The following RPN1 variants were observed in gnomAD, a reference collection of about 807,000 sequenced individuals.
RPN1 encodes ribophorin I.
In RPN1, 12 loss-of-function variants were observed where a neutral mutation model predicts 55.5. That is an observed-to-expected ratio of 0.22 (90% CI 0.14 to 0.35). The LOEUF is 0.35. RPN1 is among the 10% of genes least tolerant of loss of function. The pLI, the probability that RPN1 is intolerant of heterozygous loss-of-function variation, is 1.00. For synonymous variants in RPN1, 317 were observed against 305.9 expected, an observed-to-expected ratio of 1.04 and a Z score of -0.38; for missense variants, 679 against 761.3, an observed-to-expected ratio of 0.89 and a Z score of 1.27.
At chr3:128,635,640 GATATATATATAT>G (rs1162489418) in intron 3 of RPN1, among the ~76,000 whole-genome samples, 17 of 114,078 alleles carry the variant, frequency 1.5e-4, no homozygotes, top group African/African-American at 3.0e-4. Context: ...TATATATATA[GATATATATATAT>G]ATATATATAT....
intron 2 of RPN1, 48 bp downstream of exon 2, chr3:128,644,871 C>G: frequency 9.5e-7 from 1 of 1,052,774 alleles, no homozygotes; most frequent in South Asian, 1.3e-5. Context: ...GATCCCAACC[C>G]TGACATAACC....
At chr3:128,628,626 G>A (rs1339951605) in intron 5 of RPN1, among the ~76,000 whole-genome samples, 1 of 151,362 alleles carries the variant, frequency 6.6e-6, no homozygotes, top group African/African-American at 2.4e-5. Context: ...ATGTTGCCCC[G>A]GCTGGTCTCA....
At chr3:128,625,473 C>A (rs2069591281) in intron 8 of RPN1, 61 bp downstream of exon 8, 1 of 1,612,634 alleles carries the variant, frequency 6.2e-7, no homozygotes, top group African/African-American at 1.3e-5. Flanking sequence ...GATCAGTGCT[C>A]AAGCTGGTGA....
chr3:128,636,413 A>G (rs1255328087), intron 3 of RPN1, among the ~76,000 whole-genome samples: 1 of 151,958 alleles, frequency 6.6e-6, no homozygotes, highest in Admixed American at 6.6e-5. Flanking sequence ...GTTAGCTGAG[A>G]TCGCCCCACT....
At chr3:128,637,768 C>T (rs909682949) in intron 3 of RPN1, 31 bp downstream of exon 3, 1 of 1,597,616 alleles carries the variant, frequency 6.3e-7, no homozygotes. Context: ...CTGAAGCAGA[C>T]AGGGATGGGC....
intron 3 of RPN1, among the ~76,000 whole-genome samples, chr3:128,637,411 C>T (rs188563704): frequency 2.6e-5 from 4 of 152,172 alleles, no homozygotes; most frequent in Admixed American, 2.6e-4. Context: ...GCCTTAATTG[C>T]TCCCTCTCTC....
At chr3:128,646,768 GTTT>G (rs2069771745) in intron 1 of RPN1, among the ~76,000 whole-genome samples, 1 of 151,904 alleles carries the variant, frequency 6.6e-6, no homozygotes, top group African/African-American at 2.4e-5. Flanking sequence ...GAGGTCAGGA[GTTT>G]GAGAGCAGCT....
At chr3:128,638,148 T>C (rs761124300) in intron 2 of RPN1, 43 bp from the exon 3 acceptor site, 1 of 1,480,248 alleles carries the variant, frequency 6.8e-7, no homozygotes, top group South Asian at 1.2e-5. Context: ...AGACTGAGGA[T>C]ACTGAAAACA....
At chr3:128,638,151 T>C in intron 2 of RPN1, 46 bp from the exon 3 acceptor site, 1 of 1,452,362 alleles carries the variant, frequency 6.9e-7, no homozygotes, top group Non-Finnish European at 9.6e-7. Flanking sequence ...CTGAGGATAC[T>C]GAAAACAGTA....
intron 1 of RPN1, among the ~76,000 whole-genome samples, chr3:128,646,683 T>C (rs1414963631): frequency 7.5e-6 from 1 of 134,080 alleles, no homozygotes; most frequent in Non-Finnish European, 1.6e-5. Flanking sequence ...TGAAACTCCA[T>C]CTCATAAAAA....
chr3:128,638,535 A>G (rs564780286), intron 2 of RPN1, among the ~76,000 whole-genome samples: 3 of 152,254 alleles, frequency 2.0e-5, no homozygotes, highest in East Asian at 3.9e-4. Flanking sequence ...GCTGGAGTGC[A>G]GTGGCATGAT....
intron 3 of RPN1, among the ~76,000 whole-genome samples, chr3:128,634,453 T>A (rs2069662698): frequency 6.6e-6 from 1 of 152,110 alleles, no homozygotes; most frequent in Non-Finnish European, 1.5e-5. Context: ...AATAAGTACA[T>A]TAAAAAGCCC....
chr3:128,622,381 A>G lies in RPN1; in HGVS notation c.1424T>C (p.Val475Ala). Residue 475 changes from valine to alanine, a missense_variant, in exon 9 of 10, where the codon GTA (valine) becomes GCA (alanine). Val to Ala is a moderately conservative substitution (Grantham distance 64). Coordinates refer to ENST00000296255, the MANE Select transcript of RPN1 (RefSeq NM_002950.4). ...KDPAAEARMK[V>A]ACITEQVLTL... ...CAAGACCTGCTCTGTGATGCAGGCT[A>G]CCTTCATCCTGGCTTCTGCGGCTGG... 6.2e-7 allele frequency: 1 copy of G among 1,614,156 alleles called. No homozygotes were observed. The highest frequency in any genetic ancestry group is 8.5e-7 in the Non-Finnish European group (1 of 1,180,024).
intron 4 of RPN1, 44 bp downstream of exon 4, chr3:128,631,904 T>TA: frequency 6.3e-7 from 1 of 1,598,598 alleles, no homozygotes. Context: ...GTAGCTGTGA[T>TA]AAAGTCCTCA....
intron 4 of RPN1, 120 bp from the exon 5 acceptor site, chr3:128,630,263 C>A: frequency 3.5e-6 from 2 of 572,862 alleles, no homozygotes; most frequent in Non-Finnish European, 5.8e-6. Flanking sequence ...TTAAAATAGT[C>A]CCCAAACATA....
intron 8 of RPN1, 28 bp from the exon 9 acceptor site, chr3:128,622,437 A>G: frequency 6.2e-7 from 1 of 1,613,108 alleles, no homozygotes; most frequent in East Asian, 2.2e-5. Flanking sequence ...ACCATGTGTG[A>G]CAACATCCAG....
chr3:128,627,295 C>G, intron 5 of RPN1: 1 of 170,306 alleles, frequency 5.9e-6, no homozygotes, highest in South Asian at 1.5e-4. Flanking sequence ...CCTTCTGGGA[C>G]AGTGCCCTAC....
intron 3 of RPN1, among the ~76,000 whole-genome samples, chr3:128,633,507 C>T (rs2069655766): frequency 6.6e-6 from 1 of 152,022 alleles, no homozygotes; most frequent in South Asian, 2.1e-4. Flanking sequence ...AGCCACTGTG[C>T]CCAACCAGCA....
chr3:128,630,613 C>T (rs2069634059), intron 4 of RPN1, among the ~76,000 whole-genome samples: 1 of 151,924 alleles, frequency 6.6e-6, no homozygotes, highest in African/African-American at 2.4e-5. Context: ...CATACTGACC[C>T]CTTCTATCAT....
Sources: allele counts gnomAD v4.1 joint callset (sites outside exome capture counted in the v4.1 genomes callset), GRCh38; gene constraint gnomAD v4.1.1; transcripts MANE v1.5; gene names NCBI Gene and HGNC (gene_info 2026-07-23, HGNC 2026-07-21).